CNGB3: variants seen among roughly 807,000 people sequenced by gnomAD.
CNGB3 encodes the protein cyclic nucleotide gated channel subunit beta 3, also known as cyclic nucleotide-gated channel beta-3.
A neutral mutation model predicts 92.8 loss-of-function variants in CNGB3; 86 were observed. The observed-to-expected ratio is 0.93, with a 90% CI of 0.78 to 1.11. The LOEUF (loss-of-function observed/expected upper bound fraction) is 1.11, where lower values mean the gene tolerates loss of function less well. Ranked by LOEUF, CNGB3 falls within the 50% of genes least tolerant of loss-of-function variation. CNGB3 has a pLI of 0.00. For missense variants in CNGB3, 1,026 were observed against 956.8 expected, an observed-to-expected ratio of 1.07 and a Z score of -0.95; for synonymous variants, 333 against 332.7, an observed-to-expected ratio of 1.00 and a Z score of -0.01.
chr8:86,668,829 G>T (rs1396362411), intron 4 of CNGB3, among the ~76,000 whole-genome samples: 1 of 152,062 alleles, frequency 6.6e-6, no homozygotes, highest in Non-Finnish European at 1.5e-5. Context: ...TATCTTGGAG[G>T]GTGGTGATGG....
chr8:86,633,003 G>C (rs1822992411), intron 10 of CNGB3, 110 bp from the exon 11 acceptor site: 1 of 1,024,884 alleles, frequency 9.8e-7, no homozygotes, highest in South Asian at 1.5e-5. Context: ...TACTAATCAA[G>C]ATTTTCTTTC....
intron 3 of CNGB3, among the ~76,000 whole-genome samples, chr8:86,692,518 CT>C (rs1251285748): frequency 2.6e-5 from 4 of 152,056 alleles, no homozygotes; most frequent in Non-Finnish European, 5.9e-5. Flanking sequence ...GCTTTAAAGT[CT>C]TTTTTGTCTG....
chr8:86,592,963 GC>G (rs1425295721), intron 15 of CNGB3, among the ~76,000 whole-genome samples: 1 of 152,130 alleles, frequency 6.6e-6, no homozygotes, highest in African/African-American at 2.4e-5. Flanking sequence ...TTATGGCTAG[GC>G]AAATATCAGA....
intron 14 of CNGB3, among the ~76,000 whole-genome samples, chr8:86,609,373 C>A (rs1822475963): frequency 6.6e-6 from 1 of 152,194 alleles, no homozygotes; most frequent in Admixed American, 6.5e-5. Context: ...AAATTGATTT[C>A]ATATCACCAA....
chr8:86,726,493 A>T, intron 3 of CNGB3, 38 bp downstream of exon 3: 2 of 1,612,970 alleles, frequency 1.2e-6, no homozygotes, highest in Non-Finnish European at 1.7e-6. Flanking sequence ...GCTGAGCAAT[A>T]TCTCTAAAAT....
intron 13 of CNGB3, among the ~76,000 whole-genome samples, chr8:86,623,996 C>T (rs762620018): frequency 1.3e-5 from 2 of 152,222 alleles, no homozygotes; most frequent in African/African-American, 4.8e-5. Flanking sequence ...ATTTGGCCTC[C>T]CTGCCTTCTA....
chr8:86,658,748 A>G (rs775972741), intron 6 of CNGB3: 93 of 495,206 alleles, frequency 1.9e-4, no homozygotes, highest in Non-Finnish European at 2.9e-4. Flanking sequence ...CCATGTTCTC[A>G]TTGTTCAGCT....
At chr8:86,713,062 C>G (rs892172958) in intron 3 of CNGB3, among the ~76,000 whole-genome samples, 6 of 152,086 alleles carry the variant, frequency 3.9e-5, no homozygotes, top group African/African-American at 7.2e-5. Context: ...GTTTGATGTT[C>G]ATTATTTTCA....
chr8:86,679,961 C>T (rs956437555), intron 3 of CNGB3, among the ~76,000 whole-genome samples: 1 of 152,188 alleles, frequency 6.6e-6, no homozygotes, highest in African/African-American at 2.4e-5. Flanking sequence ...AGAGAGGCGG[C>T]TTCACCAGAA....
intron 2 of CNGB3, among the ~76,000 whole-genome samples, chr8:86,733,022 T>C (rs901324257): frequency 6.6e-6 from 1 of 151,500 alleles, no homozygotes; most frequent in Non-Finnish European, 1.5e-5. Context: ...TAACTTTTCT[T>C]TTTTTTTGTT....
intron 2 of CNGB3, among the ~76,000 whole-genome samples, chr8:86,730,152 C>T (rs1427371753): frequency 1.3e-5 from 2 of 152,186 alleles, no homozygotes; most frequent in African/African-American, 2.4e-5. Flanking sequence ...AATATACTTC[C>T]AATCTCCTTG....
intron 3 of CNGB3, among the ~76,000 whole-genome samples, chr8:86,676,602 G>T (rs567957113): frequency 1.8e-4 from 27 of 152,180 alleles, no homozygotes; most frequent in Non-Finnish European, 3.8e-4. Context: ...TTGAAGAAGG[G>T]AGATAATCAA....
intron 15 of CNGB3, chr8:86,594,401 C>T: frequency 3.4e-6 from 1 of 292,386 alleles, no homozygotes; most frequent in Non-Finnish European, 6.6e-6. Flanking sequence ...GTCCCCAAAC[C>T]AGGCGTGCTT....
chr8:86,703,756 G>A (rs966546900), intron 3 of CNGB3, among the ~76,000 whole-genome samples: 1 of 152,062 alleles, frequency 6.6e-6, no homozygotes, highest in Non-Finnish European at 1.5e-5. Context: ...AGCCTCATTC[G>A]GGTCTTATAC....
At chr8:86,642,556 C>T (rs1823210894) in intron 10 of CNGB3, among the ~76,000 whole-genome samples, 1 of 151,564 alleles carries the variant, frequency 6.6e-6, no homozygotes, top group South Asian at 2.1e-4. Context: ...TTTGCTCTAT[C>T]CTATAATTGC....
intron 3 of CNGB3, among the ~76,000 whole-genome samples, chr8:86,698,848 A>G (rs200094906): frequency 8.5e-5 from 13 of 152,140 alleles, no homozygotes; most frequent in African/African-American, 2.7e-4. Flanking sequence ...CTATTTCACA[A>G]TTTAACACAG....
At chr8:86,658,678 C>G in intron 6 of CNGB3, 1 of 374,700 alleles carries the variant, frequency 2.7e-6, no homozygotes, top group Non-Finnish European at 5.0e-6. Flanking sequence ...TTCAGCTCAC[C>G]CAGCTTCTCG....
rs1373431780 is a variant in CNGB3, at chr8:86,574,543, G to A, written c.*1261C>T. Reference sequence around the variant, plus strand: ...TTATTATAGTGATTGATTTGTACATGGTTTGCTAAATGCATCTATGTTGTA... The same window carrying A: ...TTATTATAGTGATTGATTTGTACATAGTTTGCTAAATGCATCTATGTTGTA... On this transcript the variant is annotated 3_prime_UTR_variant, in exon 18 of 18. Transcript: ENST00000320005. 6.6e-6 allele frequency: 1 copy of A among 152,122 alleles called. No homozygotes were observed. The highest frequency in any genetic ancestry group is 2.4e-5 in the African/African-American group (1 of 41,390). The allele number at this position is 152,122 out of a possible 1,614,324, so 9.4% of individuals were successfully genotyped here.
intron 6 of CNGB3, chr8:86,659,696 A>G (rs1175116273): frequency 7.2e-6 from 3 of 416,186 alleles, no homozygotes; most frequent in Non-Finnish European, 1.4e-5. Flanking sequence ...TGAGTGTAAT[A>G]CAGAGCTGTC....
Sources: gnomAD v4.1 joint callset for allele counts (sites outside exome capture counted in the v4.1 genomes callset) on GRCh38, gnomAD v4.1.1 for gene constraint, MANE v1.5 for transcripts, NCBI Gene and HGNC (gene_info 2026-07-23, HGNC 2026-07-21) for gene names.